Variants in TET2 observed in about 807,000 individuals in gnomAD.
TET2 encodes the protein tet methylcytosine dioxygenase 2, also known as methylcytosine dioxygenase TET2.
A neutral mutation model predicts 142.9 loss-of-function variants in TET2; 299 were observed. The observed-to-expected ratio is 2.09, with a 90% confidence interval of 1.90 to 2.30. The LOEUF is 2.30. Ranked by LOEUF, TET2 falls within the 30% of genes most tolerant of loss-of-function variation. The pLI is 0.00. For missense variants in TET2, 2,418 were observed against 2,378.0 expected, an observed-to-expected ratio of 1.02 and a Z score of -0.35; for synonymous variants, 819 against 849.0, an observed-to-expected ratio of 0.96 and a Z score of 0.61.
intron 3 of TET2, chr4:105,240,509 C>G (rs908983250): frequency 9.3e-7 from 1 of 1,077,858 alleles, no homozygotes; most frequent in African/African-American, 1.6e-5. Context: ...TGGCTAATGA[C>G]CTACCCGTGC....
At chr4:105,242,699 T>TA in intron 4 of TET2, 135 bp from the exon 5 acceptor site, 1 of 1,447,946 alleles carries the variant, frequency 6.9e-7, no homozygotes. Flanking sequence ...TAGACCTGTT[T>TA]AAAAAATAAT....
chr4:105,242,380 TACTA>T (rs1238667685), intron 4 of TET2: 23 of 1,081,742 alleles, frequency 2.1e-5, no homozygotes, highest in Admixed American at 1.6e-4. Context: ...TGTGGCTGGA[TACTA>T]ACTATTTGCC....
At chr4:105,222,784 C>T (rs1226800612) in intron 2 of TET2, among the ~76,000 whole-genome samples, 5 of 151,652 alleles carry the variant, frequency 3.3e-5, no homozygotes, top group Admixed American at 2.6e-4. Flanking sequence ...ACATGAAGTC[C>T]TTGCCCGTGC....
intron 4 of TET2, 183 bp downstream of exon 4, chr4:105,241,612 C>G: frequency 1.5e-6 from 2 of 1,359,110 alleles, no homozygotes; most frequent in Non-Finnish European, 1.9e-6. Context: ...CAATATTTGA[C>G]AGGACTAATA....
chr4:105,187,299 G>C (rs1053386780), intron 1 of TET2, among the ~76,000 whole-genome samples: 6 of 152,148 alleles, frequency 3.9e-5, no homozygotes, highest in Non-Finnish European at 5.9e-5. Context: ...AAACTCCTCT[G>C]CCTTCCTCAG....
At chr4:105,233,383 C>CAAACAAAAAA (rs1728621440) in intron 2 of TET2, among the ~76,000 whole-genome samples, 1 of 76,148 alleles carries the variant, frequency 1.3e-5, no homozygotes, top group Non-Finnish European at 2.3e-5. Flanking sequence ...GACTCCATCT[C>CAAACAAAAAA]AAAAAAAAAA....
intron 2 of TET2, among the ~76,000 whole-genome samples, chr4:105,212,608 G>A (rs1055147398): frequency 1.3e-5 from 2 of 151,732 alleles, no homozygotes; most frequent in Non-Finnish European, 2.9e-5. Context: ...ATATTTTCTA[G>A]GACTGTCCTT....
At chr4:105,258,559 T>C (rs1730258044) in intron 6 of TET2, among the ~76,000 whole-genome samples, 2 of 152,132 alleles carry the variant, frequency 1.3e-5, no homozygotes, top group African/African-American at 4.8e-5. Flanking sequence ...AATGGGCAAA[T>C]ACATGAAGTA....
chr4:105,233,685 T>C (rs1728644347), intron 2 of TET2, among the ~76,000 whole-genome samples: 2 of 152,166 alleles, frequency 1.3e-5, no homozygotes, highest in Non-Finnish European at 2.9e-5. Flanking sequence ...TGACCATAAA[T>C]ATTTTAGAGT....
Position 105,233,914 on chromosome 4 carries a change from G to A in TET2, c.-29G>A, listed in dbSNP as rs2110219138. The A allele has an allele frequency of 6.3e-7, 1 of 1,584,246 alleles. No homozygotes were observed. Among genetic ancestry groups the A allele is most frequent in the Non-Finnish European group, 8.6e-7 (1 of 1,168,060 alleles). On this transcript the variant is annotated 5_prime_UTR_variant, in exon 3 of 11. Transcript: ENST00000380013. ...CTCTTTAGAATTCAACTAGAGGGCA[G>A]CCTTGTGGATGGCCCCGAAGCAAGC...
rs747787062 is a variant in TET2, at chr4:105,232,192, C to G, written c.-46-1705C>G. ...TCCATCCATGTTGCTGCACAGAACA[C>G]GATTTTGTGTTTCTTTATGGCTGTG... On this transcript the variant is annotated intron_variant, in intron 2 of 10. Coordinates refer to ENST00000380013, the MANE Select transcript of TET2 (RefSeq NM_001127208.3). Among the ~76,000 whole-genome samples the G allele has an allele frequency of 6.6e-4, 100 of 152,204 alleles. 3 individuals carry two copies. In the Middle Eastern group the frequency reaches 0.014, roughly 21 times the overall value.
At chr4:105,161,384 A>T (rs770504711) in intron 1 of TET2, among the ~76,000 whole-genome samples, 1 of 152,214 alleles carries the variant, frequency 6.6e-6, no homozygotes, top group Non-Finnish European at 1.5e-5. Context: ...GTAGATTTTT[A>T]AAAGTTCTTA....
intron 2 of TET2, among the ~76,000 whole-genome samples, chr4:105,204,070 G>A (rs1337320709): frequency 2.0e-5 from 3 of 151,954 alleles, no homozygotes; most frequent in Non-Finnish European, 4.4e-5. Context: ...GTAGTGGCAA[G>A]TGCCTGTAAT....
intron 1 of TET2, among the ~76,000 whole-genome samples, chr4:105,186,861 A>C (rs891821801): frequency 6.6e-6 from 1 of 152,202 alleles, no homozygotes; most frequent in African/African-American, 2.4e-5. Flanking sequence ...GAATATTATC[A>C]TATTGGAGAC....
At chr4:105,241,569 A>G in intron 4 of TET2, 140 bp downstream of exon 4, 3 of 1,432,044 alleles carry the variant, frequency 2.1e-6, no homozygotes, top group South Asian at 1.6e-5. Flanking sequence ...AGGGTTGCCA[A>G]CACTACACAC....
chr4:105,241,551 G>C (rs1408446143), intron 4 of TET2, 122 bp downstream of exon 4: 1 of 1,457,010 alleles, frequency 6.9e-7, no homozygotes, highest in Non-Finnish European at 9.0e-7. Flanking sequence ...AGTAGGCTTA[G>C]CTATTCTAGG....
chr4:105,157,519 T>C (rs1334216881), intron 1 of TET2, among the ~76,000 whole-genome samples: 2 of 152,202 alleles, frequency 1.3e-5, no homozygotes, highest in East Asian at 3.8e-4. Context: ...TCTGCCACAT[T>C]ACGCTTGTGG....
intron 1 of TET2, among the ~76,000 whole-genome samples, chr4:105,158,811 G>GA (rs57197640): frequency 0.017 from 2,384 of 143,338 alleles, 29 homozygotes; most frequent in African/African-American, 0.04. Context: ...CTCTTTTTTG[G>GA]AAAAAAAAAA....
In TET2 at chr4:105,275,489, G is replaced by A. The variant is rs1731166277; in HGVS notation, c.4979G>A (p.Arg1660Lys). 6.4e-7 allele frequency: 1 copy of A among 1,551,626 alleles called. No homozygotes were observed. The highest frequency in any genetic ancestry group is 8.7e-7 in the Non-Finnish European group (1 of 1,146,972). The change falls in exon 11 of 11, where the codon AGG (arginine) becomes AAG (lysine). Residue 1660 changes from arginine to lysine, a missense_variant. Arg to Lys is a conservative substitution (Grantham distance 26). Transcript: ENST00000380013. Reference protein sequence around the residue: ...SPQSQPMDLYRYPSQDPLSKL... With the variant: ...SPQSQPMDLYKYPSQDPLSKL... The stretch of plus-strand genomic sequence containing the variant: ...CAGTCTCAGCCGATGGATCTGTATA[G>A]GTATCCAAGCCAAGACCCTCTGTCT...
Sources: gnomAD v4.1 joint callset for allele counts (sites outside exome capture counted in the v4.1 genomes callset) on GRCh38, gnomAD v4.1.1 for gene constraint, MANE v1.5 for transcripts, NCBI Gene and HGNC (gene_info 2026-07-23, HGNC 2026-07-21) for gene names.